Variants in TXNRD1 observed in about 807,000 individuals in gnomAD.
TXNRD1 encodes the protein thioredoxin reductase 1, cytoplasmic.
A neutral mutation model predicts 80.3 loss-of-function variants in TXNRD1; 57 were observed. The ratio of observed to expected loss-of-function variants is 0.71; its 90% CI spans 0.57 to 0.89. The LOEUF (loss-of-function observed/expected upper bound fraction) is 0.89. Among genes scored for constraint, TXNRD1 ranks in the 40% least tolerant of loss-of-function variants. The pLI, the probability that TXNRD1 is intolerant of heterozygous loss-of-function variation, is 0.00. For synonymous variants in TXNRD1, 291 were observed against 285.2 expected, an observed-to-expected ratio of 1.02 and a Z score of -0.20; for missense variants, 730 against 803.0, an observed-to-expected ratio of 0.91 and a Z score of 1.10.
intron 4 of TXNRD1, among the ~76,000 whole-genome samples, chr12:104,300,730 G>A (rs1050542020): frequency 6.6e-6 from 1 of 152,140 alleles, no homozygotes; most frequent in South Asian, 2.1e-4. Context: ...GGAGTGCAAT[G>A]GTGCAATCTT....
intron 4 of TXNRD1, among the ~76,000 whole-genome samples, chr12:104,297,949 A>T (rs1218597854): frequency 1.3e-5 from 2 of 151,992 alleles, no homozygotes; most frequent in African/African-American, 4.8e-5. Flanking sequence ...TCACGCCCTT[A>T]TTTATATTCT....
chr12:104,300,758 T>C (rs2034595633), intron 4 of TXNRD1, among the ~76,000 whole-genome samples: 1 of 152,058 alleles, frequency 6.6e-6, no homozygotes, highest in Admixed American at 6.5e-5. Context: ...CCGCAACCTC[T>C]GCCTCCCAGG....
chr12:104,271,911 C>G (rs2033659971), intron 3 of TXNRD1, among the ~76,000 whole-genome samples: 1 of 151,908 alleles, frequency 6.6e-6, no homozygotes, highest in African/African-American at 2.4e-5. Flanking sequence ...TATTTGGATT[C>G]ACTTTAAGAA....
At chr12:104,333,357 G>A (rs372769142) in intron 14 of TXNRD1, among the ~76,000 whole-genome samples, 2 of 152,052 alleles carry the variant, frequency 1.3e-5, no homozygotes, top group East Asian at 1.9e-4. Flanking sequence ...GAAGTATAAC[G>A]TGTTTGAGTT....
chr12:104,305,095 T>C (rs2034842992), intron 4 of TXNRD1: 1 of 757,792 alleles, frequency 1.3e-6, no homozygotes, highest in African/African-American at 1.8e-5. Context: ...TCTTAGTAAT[T>C]TATAAGGTCA....
intron 1 of TXNRD1, among the ~76,000 whole-genome samples, chr12:104,230,844 A>T (rs2032605875): frequency 6.6e-6 from 1 of 152,186 alleles, no homozygotes; most frequent in Admixed American, 6.5e-5. Flanking sequence ...TGGTTTGATC[A>T]GCATGTCATT....
rs1168512773 is a variant in TXNRD1 at position 104,292,592 on chromosome 12, G to GCCGA, written c.414+3554_414+3555insGACC. On this transcript the variant is annotated intron_variant, in intron 4 of 16. Transcript: ENST00000525566. Reference sequence around the variant, plus strand: ...ATTTTTTTAGTAGAGATGTGGTTTTGCCATGTTGGTCGGGCTGGTCTCGAT... The same window carrying GCCGA: ...ATTTTTTTAGTAGAGATGTGGTTTTGCCGACCATGTTGGTCGGGCTGGTCTCGAT... Among the ~76,000 whole-genome samples the GCCGA allele has an allele frequency of 8.4e-3, 1,274 of 152,072 alleles. 19 individuals carry two copies. Among genetic ancestry groups the GCCGA allele is most frequent in the African/African-American group, 0.029 (1,183 of 41,460 alleles).
At chr12:104,218,251 CTT>C (rs1249752857) in intron 1 of TXNRD1, among the ~76,000 whole-genome samples, 1 of 152,002 alleles carries the variant, frequency 6.6e-6, no homozygotes, top group Non-Finnish European at 1.5e-5. Context: ...GTCTTGAACT[CTT>C]GACCTCGTGA....
At chr12:104,216,525 G>T (rs1479611385) in intron 1 of TXNRD1, among the ~76,000 whole-genome samples, 1 of 152,202 alleles carries the variant, frequency 6.6e-6, no homozygotes, top group Admixed American at 6.5e-5. Context: ...TGCCAATAAT[G>T]GCTAGTGGTT....
chr12:104,339,372 G>T (rs768057549), intron 16 of TXNRD1, 99 bp downstream of exon 16: 85 of 1,517,042 alleles, frequency 5.6e-5, no homozygotes, highest in Non-Finnish European at 7.3e-5. Flanking sequence ...CCCTGAGTTT[G>T]ATGATGATTC....
In TXNRD1 at chr12:104,242,376, C is replaced by T. The variant is rs181694393; in HGVS notation, c.92-9151C>T. ...CAGCCTGGCCAAGATGGTGAAACCC[C>T]GTCTGTACTAAAAACACAACAATTA... On this transcript the variant is annotated intron_variant, in intron 1 of 16. Coordinates refer to ENST00000525566, the MANE Select transcript of TXNRD1 (RefSeq NM_001093771.3). 2.0e-3 allele frequency among the ~76,000 whole-genome samples: 302 copies of T among 151,842 alleles called. 3 individuals are homozygous for T. The highest frequency in any genetic ancestry group is 6.7e-3 in the African/African-American group (277 of 41,458).
intron 14 of TXNRD1, 107 bp downstream of exon 14, chr12:104,331,748 C>G: frequency 1.5e-6 from 1 of 689,426 alleles, no homozygotes; most frequent in Admixed American, 2.8e-5. Flanking sequence ...TTTCATATAC[C>G]CGTTATCCAG....
chr12:104,269,387 C>G (rs1203048126), intron 3 of TXNRD1, among the ~76,000 whole-genome samples: 4 of 146,114 alleles, frequency 2.7e-5, no homozygotes, highest in Non-Finnish European at 4.5e-5. Context: ...TCTTCTTTTT[C>G]TGTGTTTCTT....
intron 3 of TXNRD1, chr12:104,285,968 G>A (rs2033962385): frequency 1.3e-5 from 2 of 152,202 alleles, no homozygotes. Flanking sequence ...TCAAGTTAGT[G>A]TGTGTAGTGT....
intron 3 of TXNRD1, among the ~76,000 whole-genome samples, chr12:104,268,613 G>A (rs750070074): frequency 2.6e-5 from 4 of 152,088 alleles, no homozygotes; most frequent in Admixed American, 6.5e-5. Flanking sequence ...CTGCCTCCCA[G>A]GTTCAAGCAA....
chr12:104,264,304 G>A (rs1395588322), intron 3 of TXNRD1, among the ~76,000 whole-genome samples: 2 of 152,196 alleles, frequency 1.3e-5, no homozygotes, highest in Non-Finnish European at 2.9e-5. Flanking sequence ...GACATTTAAA[G>A]CTGTAAACAA....
intron 2 of TXNRD1, 102 bp downstream of exon 2, chr12:104,251,780 T>C: frequency 2.1e-6 from 3 of 1,409,336 alleles, no homozygotes; most frequent in Non-Finnish European, 2.9e-6. Flanking sequence ...GAAGAGTGTA[T>C]GTAGGCTGGG....
rs368054418 is a variant in TXNRD1 at position 104,241,532 on chromosome 12, G to A, written c.92-9995G>A. The stretch of plus-strand genomic sequence containing the variant: ...ATTATAGGCATGTGCCACCACGACC[G>A]GCTAATTTTGTATTTTTAGTAGAGA... On this transcript the variant is annotated intron_variant, in intron 1 of 16. Coordinates refer to ENST00000525566, the MANE Select transcript of TXNRD1 (RefSeq NM_001093771.3). Among the ~76,000 whole-genome samples, 9 of 151,492 alleles carry A rather than the reference G, an allele frequency of 5.9e-5. 1 individual carries two copies. The East Asian group carries it at 1.2e-3, about 20-fold the overall frequency.
chr12:104,303,229 T>G (rs1361344815), intron 4 of TXNRD1, among the ~76,000 whole-genome samples: 2 of 152,166 alleles, frequency 1.3e-5, no homozygotes, highest in African/African-American at 4.8e-5. Flanking sequence ...GGAGGGGGCT[T>G]GGTTTTTAAG....
Sources: gnomAD v4.1 joint callset for allele counts (sites outside exome capture counted in the v4.1 genomes callset) on GRCh38, gnomAD v4.1.1 for gene constraint, MANE v1.5 for transcripts, NCBI Gene and HGNC (gene_info 2026-07-23, HGNC 2026-07-21) for gene names.